GPI: variants seen among roughly 807,000 people sequenced by gnomAD.
The protein encoded by GPI is glucose-6-phosphate isomerase, also known as D-hexose-6-phosphate anomerase.
A neutral mutation model predicts 75.8 loss-of-function variants in GPI; 56 were observed. The observed-to-expected ratio is 0.74, with a 90% CI of 0.60 to 0.92. The LOEUF is 0.92. GPI is among the 40% of genes least tolerant of loss of function. The pLI, the probability that GPI is intolerant of heterozygous loss-of-function variation, is 0.00. For synonymous variants in GPI, 288 were observed against 285.4 expected, an observed-to-expected ratio of 1.01 and a Z score of -0.09; for missense variants, 638 against 741.0, an observed-to-expected ratio of 0.86 and a Z score of 1.61.
intron 1 of GPI, chr19:34,366,118 C>G (rs553705357): frequency 1.4e-6 from 1 of 694,836 alleles, no homozygotes; most frequent in South Asian, 1.5e-5. Context: ...CATCCAGGGT[C>G]TGCCTGCATC....
chr19:34,379,038 G>A (rs1384628972), intron 7 of GPI, 33 bp downstream of exon 7: 2 of 1,583,798 alleles, frequency 1.3e-6, no homozygotes, highest in Non-Finnish European at 1.7e-6. Context: ...CTCGTGGTTA[G>A]CCTCTGGGCT....
chr19:34,364,978 T>C, upstream of GPI: 1 of 1,529,314 alleles, frequency 6.5e-7, no homozygotes, highest in Non-Finnish European at 8.7e-7. Flanking sequence ...CCCTCCCCAC[T>C]GCCACTTCCG....
At chr19:34,389,198 G>A (rs2074785416) in intron 9 of GPI, among the ~76,000 whole-genome samples, 1 of 152,150 alleles carries the variant, frequency 6.6e-6, no homozygotes, top group Admixed American at 6.5e-5. Context: ...TAAGGTTCCC[G>A]GAAACCCAGA....
chr19:34,360,812 C>G (rs948200320), upstream of GPI, among the ~76,000 whole-genome samples: 4 of 152,180 alleles, frequency 2.6e-5, no homozygotes, highest in African/African-American at 9.7e-5. Flanking sequence ...GGGTGTCACT[C>G]TGTGACCCAG....
At chr19:34,398,994 C>T (rs1046260768) in intron 14 of GPI, 5 of 456,210 alleles carry the variant, frequency 1.1e-5, no homozygotes, top group Non-Finnish European at 1.6e-5. Context: ...CGTGAGCCAC[C>T]GCGCCTGGCC....
At chr19:34,368,424 A>G (rs1401066848) in intron 3 of GPI, among the ~76,000 whole-genome samples, 159 bp from the exon 4 acceptor site, 1 of 152,148 alleles carries the variant, frequency 6.6e-6, no homozygotes, top group African/African-American at 2.4e-5. Flanking sequence ...TCCTCTAAGC[A>G]TACAGTGGGT....
rs1374008023 is a variant in GPI, at chr19:34,398,922, G to A, written c.1270-285G>A. 6.4e-5 allele frequency: 19 copies of A among 294,586 alleles called. No individual in the cohort carries two copies. The East Asian group carries it at 1.4e-3, about 22-fold the overall frequency. 18.2% of individuals were successfully genotyped at this position (294,586 alleles called of 1,614,324 possible). A position where few individuals can be genotyped will look rare whatever the true frequency, so the allele number is the denominator to read the frequency against. Reference sequence around the variant, plus strand: ...GGGTTTCACCATGTTGGTCAGGCTGGTCTCGAGCTCCTGACCTCGTGGTCC... The same window carrying A: ...GGGTTTCACCATGTTGGTCAGGCTGATCTCGAGCTCCTGACCTCGTGGTCC... On this transcript the variant is annotated intron_variant, in intron 14 of 17. Transcript: ENST00000356487.
At chr19:34,374,589 T>A (rs2145348077) in intron 4 of GPI, among the ~76,000 whole-genome samples, 1 of 152,274 alleles carries the variant, frequency 6.6e-6, no homozygotes, top group Middle Eastern at 3.4e-3. Flanking sequence ...TTAGTACAGT[T>A]CCTTTCAATC....
chr19:34,391,073 G>A (rs544980928), intron 9 of GPI, among the ~76,000 whole-genome samples: 13 of 152,240 alleles, frequency 8.5e-5, no homozygotes, highest in East Asian at 5.8e-4. Context: ...GAGGATCTGC[G>A]TCTTCCAGTG....
At chr19:34,370,923 G>A (rs939048639) in intron 4 of GPI, among the ~76,000 whole-genome samples, 1 of 152,232 alleles carries the variant, frequency 6.6e-6, no homozygotes, top group African/African-American at 2.4e-5. Context: ...TCCAGGGCAA[G>A]GAAGTTGTGG....
At position 34,389,536 on chromosome 19, in the gene GPI, C is replaced by T. The variant is rs184928324; in HGVS notation, c.805-3712C>T. Among the ~76,000 whole-genome samples, 26 of 152,302 alleles carry T rather than the reference C, an allele frequency of 1.7e-4. No homozygotes were observed. In the East Asian group the frequency reaches 4.8e-3, roughly 28 times the overall value. The stretch of plus-strand genomic sequence containing the variant: ...CTGGATGTAATAAGTGGGCACCTCT[C>T]CTTCGTGTCTAGAAGGTTACTAGTC... On this transcript the variant is annotated intron_variant, in intron 9 of 17. Coordinates refer to ENST00000356487, the MANE Select transcript of GPI (RefSeq NM_000175.5).
upstream of GPI, chr19:34,365,092 TATCGGGGCGCGG>T (rs1394144254): frequency 2.1e-6 from 3 of 1,441,550 alleles, no homozygotes; most frequent in African/African-American, 1.5e-5. Context: ...CCGGCCTGGG[TATCGGGGCGCGG>T]GTCGGGGGCG....
At chr19:34,364,703 C>A (rs1052400579), upstream of GPI, 1 of 391,938 alleles carries the variant, frequency 2.6e-6, no homozygotes, top group Middle Eastern at 6.7e-4. Flanking sequence ...TAATTGCAAC[C>A]CCGATTCTCA....
chr19:34,361,131 G>A (rs1010894313), upstream of GPI, among the ~76,000 whole-genome samples: 7 of 148,354 alleles, frequency 4.7e-5, no homozygotes, highest in Non-Finnish European at 6.0e-5. Context: ...TCGCTCTGTC[G>A]CCCAGGCTGG....
intron 3 of GPI, among the ~76,000 whole-genome samples, chr19:34,367,797 A>G (rs2074388663): frequency 6.6e-6 from 1 of 152,224 alleles, no homozygotes; most frequent in South Asian, 2.1e-4. Context: ...CTTGAGTTGC[A>G]TGCCTTGCTG....
rs565532192 is a variant in GPI, at chr19:34,382,651, T to C, written c.804+1132T>C. Among the ~76,000 whole-genome samples, 7 of 152,026 alleles carry C rather than the reference T, an allele frequency of 4.6e-5. No homozygotes were observed. The South Asian group carries it at 1.5e-3, about 32-fold the overall frequency. Reference sequence around the variant, plus strand: ...CCTTGGGATCTGGAGCCTGAGCAGGTGGTGGGCAGGGATGTGTGGGTGCTG... The same window carrying C: ...CCTTGGGATCTGGAGCCTGAGCAGGCGGTGGGCAGGGATGTGTGGGTGCTG... On this transcript the variant is annotated intron_variant, in intron 9 of 17. Coordinates refer to ENST00000356487, the MANE Select transcript of GPI (RefSeq NM_000175.5).
At chr19:34,399,371 T>C in intron 15 of GPI, 36 bp downstream of exon 15, 1 of 1,613,622 alleles carries the variant, frequency 6.2e-7, no homozygotes, top group Non-Finnish European at 8.5e-7. Context: ...GGGTGCATGC[T>C]GGAGTTGGAG....
intron 9 of GPI, among the ~76,000 whole-genome samples, chr19:34,387,908 C>T (rs1360346443): frequency 2.0e-5 from 3 of 152,062 alleles, no homozygotes; most frequent in Non-Finnish European, 2.9e-5. Flanking sequence ...GTGAGACCTT[C>T]GGTGGTAGGG....
intron 17 of GPI, 38 bp from the exon 18 acceptor site, chr19:34,399,863 C>T (rs200006087): frequency 1.3e-4 from 208 of 1,613,794 alleles, no homozygotes; most frequent in Non-Finnish European, 1.7e-4. Context: ...TTAGAGCCTT[C>T]CTCATACCAC....
Sources: gnomAD v4.1 joint callset for allele counts (sites outside exome capture counted in the v4.1 genomes callset) on GRCh38, gnomAD v4.1.1 for gene constraint, MANE v1.5 for transcripts, NCBI Gene and HGNC (gene_info 2026-07-23, HGNC 2026-07-21) for gene names.